CNNM2: variants seen among roughly 807,000 people sequenced by gnomAD.
CNNM2 encodes the protein cyclin and CBS domain divalent metal cation transport mediator 2.
A neutral mutation model predicts 66.9 loss-of-function variants in CNNM2; 12 were observed. The ratio of observed to expected loss-of-function variants is 0.18; its 90% confidence interval spans 0.11 to 0.29. The LOEUF (loss-of-function observed/expected upper bound fraction) is 0.29. Ranked by LOEUF, CNNM2 falls within the 10% of genes least tolerant of loss-of-function variation. CNNM2 has a pLI of 1.00. For missense variants in CNNM2, 705 were observed against 1,167.7 expected (o/e 0.60, Z 5.77); for synonymous variants, 557 against 501.8 (o/e 1.11, Z -1.47).
intron 1 of CNNM2, among the ~76,000 whole-genome samples, chr10:102,994,547 A>G (rs1008905893): frequency 2.6e-5 from 4 of 152,212 alleles, no homozygotes; most frequent in African/African-American, 7.2e-5. Context: ...TCAAAGCCAC[A>G]CACAAAACTG....
intron 1 of CNNM2, among the ~76,000 whole-genome samples, chr10:102,994,607 C>T (rs531160084): frequency 6.6e-6 from 1 of 152,354 alleles, no homozygotes; most frequent in East Asian, 1.9e-4. Flanking sequence ...CCCAGAACCA[C>T]ATGACCACTG....
chr10:102,993,028 A>C (rs1339835281), intron 1 of CNNM2, among the ~76,000 whole-genome samples: 1 of 152,130 alleles, frequency 6.6e-6, no homozygotes, highest in African/African-American at 2.4e-5. Flanking sequence ...TATGTCATAC[A>C]TATCTGTATT....
intron 1 of CNNM2, among the ~76,000 whole-genome samples, chr10:102,952,640 G>A (rs901683964): frequency 3.7e-5 from 5 of 133,936 alleles, no homozygotes; most frequent in Non-Finnish European, 8.2e-5. Flanking sequence ...AAAAAAAAAA[G>A]TTAAATGGAT....
intron 1 of CNNM2, among the ~76,000 whole-genome samples, chr10:102,997,419 T>C (rs2064023884): frequency 6.6e-6 from 1 of 152,198 alleles, no homozygotes; most frequent in Non-Finnish European, 1.5e-5. Flanking sequence ...TCTTTCCAAA[T>C]ATTATTTTGA....
intron 1 of CNNM2, among the ~76,000 whole-genome samples, chr10:102,946,757 G>A (rs532068315): frequency 6.6e-6 from 1 of 152,202 alleles, no homozygotes; most frequent in African/African-American, 2.4e-5. Context: ...ATTTTGATTT[G>A]CAACCGGGAT....
At chr10:102,945,357 T>C (rs1357897412) in intron 1 of CNNM2, among the ~76,000 whole-genome samples, 1 of 152,168 alleles carries the variant, frequency 6.6e-6, no homozygotes, top group African/African-American at 2.4e-5. Context: ...CTGATTCTTA[T>C]CTAGTGCTAT....
intron 1 of CNNM2, among the ~76,000 whole-genome samples, chr10:102,957,742 T>A (rs1476993802): frequency 6.6e-6 from 1 of 152,208 alleles, no homozygotes; most frequent in East Asian, 1.9e-4. Flanking sequence ...CTCTGTTTAA[T>A]TTTGATGCAG....
intron 1 of CNNM2, among the ~76,000 whole-genome samples, chr10:102,966,882 G>A (rs10450407): frequency 7.2e-4 from 109 of 152,178 alleles, no homozygotes; most frequent in African/African-American, 2.6e-3. Context: ...ATGAGGAGTG[G>A]GGCAGGATAT....
chr10:103,051,598 G>A (rs1253536026), intron 2 of CNNM2, among the ~76,000 whole-genome samples: 1 of 151,812 alleles, frequency 6.6e-6, no homozygotes, highest in Non-Finnish European at 1.5e-5. Context: ...AAATCAGCTG[G>A]GCATGGTGGC....
At chr10:102,924,624 T>G (rs772168418) in intron 1 of CNNM2, among the ~76,000 whole-genome samples, 121 of 149,844 alleles carry the variant, frequency 8.1e-4, no homozygotes, top group Non-Finnish European at 1.2e-3. Flanking sequence ...AGGAAGTTGT[T>G]TTTTTTTTTT....
At chr10:103,049,342 T>G (rs886518638) in intron 1 of CNNM2, among the ~76,000 whole-genome samples, 1 of 152,224 alleles carries the variant, frequency 6.6e-6, no homozygotes, top group Non-Finnish European at 1.5e-5. Context: ...TTGGGCCTCA[T>G]GGACCTCCTA....
At chr10:103,029,483 A>G (rs558210439) in intron 1 of CNNM2, among the ~76,000 whole-genome samples, 2 of 151,152 alleles carry the variant, frequency 1.3e-5, no homozygotes, top group Non-Finnish European at 3.0e-5. Flanking sequence ...AAATAAATAC[A>G]TAAATAATCT....
chr10:102,926,391 A>G (rs576999354), intron 1 of CNNM2, among the ~76,000 whole-genome samples: 2 of 152,142 alleles, frequency 1.3e-5, no homozygotes, highest in African/African-American at 2.4e-5. Flanking sequence ...CTTGGTTTTT[A>G]TGGGGATTAC....
chr10:102,989,247 C>T (rs1160140354), intron 1 of CNNM2, among the ~76,000 whole-genome samples: 2 of 152,162 alleles, frequency 1.3e-5, no homozygotes, highest in Non-Finnish European at 1.5e-5. Flanking sequence ...ATCTTTTCAG[C>T]CATCCGAACA....
intron 1 of CNNM2, among the ~76,000 whole-genome samples, chr10:103,009,462 T>G (rs2064294232): frequency 6.6e-6 from 1 of 151,536 alleles, no homozygotes; most frequent in African/African-American, 2.4e-5. Flanking sequence ...GAAGCCAAGG[T>G]GGGAATATCG....
Position 102,919,314 on chromosome 10 carries a change from G to T in CNNM2, c.834G>T (p.Gly278=). The T allele has an allele frequency of 6.2e-7, 1 of 1,613,802 alleles. No homozygotes were observed. Among genetic ancestry groups the T allele is most frequent in the Non-Finnish European group, 8.5e-7 (1 of 1,180,044 alleles). ...LSGMFSGLNL[G]LMALDPMELR... is the part of the protein sequence containing the mutation. ...GCATGTTCAGCGGCCTCAACCTGGG[G>T]CTCATGGCCCTGGACCCGATGGAGC... The change falls in exon 1 of 8, where the codon GGG becomes GGT. Residue 278 remains glycine, a synonymous_variant. Coordinates refer to ENST00000369878, the MANE Select transcript of CNNM2 (RefSeq NM_017649.5).
chr10:102,961,289 G>C (rs1205551398), intron 1 of CNNM2, among the ~76,000 whole-genome samples: 1 of 152,140 alleles, frequency 6.6e-6, no homozygotes, highest in Non-Finnish European at 1.5e-5. Flanking sequence ...ACCATGCTCT[G>C]GTAATGTATC....
At chr10:102,920,174 C>T in intron 1 of CNNM2, 73 bp downstream of exon 1, 2 of 1,612,698 alleles carry the variant, frequency 1.2e-6, no homozygotes, top group Admixed American at 1.7e-5. Flanking sequence ...AGTCCTCTAC[C>T]CTCAGACCAA....
In CNNM2 at chr10:103,084,105, G is replaced by C. The variant is rs1423518517; in HGVS notation, c.*6925G>C. 1 of 152,146 alleles carries C rather than the reference G, an allele frequency of 6.6e-6. No homozygotes were observed. Among genetic ancestry groups the C allele is most frequent in the African/African-American group, 2.4e-5 (1 of 41,428 alleles). The allele number at this position is 152,146 out of a possible 1,614,324, so 9.4% of individuals were successfully genotyped here. A position where few individuals can be genotyped will look rare whatever the true frequency, so the allele number is the denominator to read the frequency against. ...CTGAAGAACTTACGGTGGAGCTTCA[G>C]GGACCCTCTGTGATCCATTCCTAAA... is the stretch of plus-strand genomic sequence containing the variant. On this transcript the variant is annotated 3_prime_UTR_variant, in exon 8 of 8. Transcript: ENST00000369878.
Sources: allele counts gnomAD v4.1 joint callset (sites outside exome capture counted in the v4.1 genomes callset), GRCh38; gene constraint gnomAD v4.1.1; transcripts MANE v1.5; gene names NCBI Gene and HGNC (gene_info 2026-07-23, HGNC 2026-07-21).